The following ARB2A variants were observed in gnomAD, a reference collection of about 807,000 sequenced individuals.
ARB2A encodes the protein cotranscriptional regulator ARB2A.
chr5:93,844,224 G>A, the ARB2A span, among the ~76,000 whole-genome samples: 1 of 152,070 alleles, frequency 6.6e-6, no homozygotes. Context: ...CGAGTGGACT[G>A]CTTGAACTCA....
At chr5:94,068,333 G>A in the ARB2A span, among the ~76,000 whole-genome samples, 1 of 152,240 alleles carries the variant, frequency 6.6e-6, no homozygotes, top group Non-Finnish European at 1.5e-5. Context: ...GCTGGATCAG[G>A]AGCACAACGG....
the ARB2A span, among the ~76,000 whole-genome samples, chr5:94,075,626 T>A: frequency 1.3e-5 from 2 of 152,278 alleles, no homozygotes; most frequent in African/African-American, 4.8e-5. Context: ...CATGACAATA[T>A]AACAAGATTG....
chr5:93,830,518 T>C, the ARB2A span, among the ~76,000 whole-genome samples: 1 of 151,694 alleles, frequency 6.6e-6, no homozygotes, highest in African/African-American at 2.4e-5. Context: ...TCTGATCCTG[T>C]TGGACTGTCC....
At chr5:93,670,830 T>C in the ARB2A span, among the ~76,000 whole-genome samples, 1 of 152,354 alleles carries the variant, frequency 6.6e-6, no homozygotes, top group East Asian at 1.9e-4. Context: ...AATGCAATGG[T>C]GATTATACAC....
chr5:93,695,933 G>C, the ARB2A span, among the ~76,000 whole-genome samples: 1 of 151,868 alleles, frequency 6.6e-6, no homozygotes, highest in Non-Finnish European at 1.5e-5. Flanking sequence ...ACTAACACAA[G>C]AACAGAAAAC....
chr5:93,850,429 G>T, the ARB2A span, among the ~76,000 whole-genome samples: 176 of 152,254 alleles, frequency 1.2e-3, no homozygotes, highest in Non-Finnish European at 1.7e-3. Context: ...TATGTACAGG[G>T]TGGAAGATAA....
the ARB2A span, among the ~76,000 whole-genome samples, chr5:93,772,753 G>A: frequency 6.6e-6 from 1 of 152,150 alleles, no homozygotes; most frequent in African/African-American, 2.4e-5. Flanking sequence ...GGTCCTCCCT[G>A]GCTTTTGGCC....
the ARB2A span, among the ~76,000 whole-genome samples, chr5:93,699,263 A>C: frequency 2.0e-5 from 3 of 152,220 alleles, no homozygotes; most frequent in Admixed American, 2.0e-4. Context: ...TGCATGTGTG[A>C]TAATTTGTTA....
the ARB2A span, among the ~76,000 whole-genome samples, chr5:93,851,549 C>T: frequency 2.6e-5 from 4 of 152,116 alleles, no homozygotes; most frequent in Non-Finnish European, 5.9e-5. Context: ...GTGTGCTGCA[C>T]CCATTAACTC....
the ARB2A span, among the ~76,000 whole-genome samples, chr5:93,836,114 G>A: frequency 5.9e-5 from 9 of 152,134 alleles, no homozygotes; most frequent in East Asian, 7.7e-4. Flanking sequence ...TGCAAACTCC[G>A]CCTCCCAGGT....
At chr5:93,626,466 T>C in the ARB2A span, among the ~76,000 whole-genome samples, 1 of 152,230 alleles carries the variant, frequency 6.6e-6, no homozygotes, top group African/African-American at 2.4e-5. Context: ...TACATGGTCC[T>C]AGACCAAAAG....
At chr5:93,721,068 A>G in the ARB2A span, among the ~76,000 whole-genome samples, 1 of 152,226 alleles carries the variant, frequency 6.6e-6, no homozygotes, top group Non-Finnish European at 1.5e-5. Context: ...CTTTAATAGT[A>G]TAATCTTAAG....
At chr5:93,697,899 G>T in the ARB2A span, among the ~76,000 whole-genome samples, 1 of 152,084 alleles carries the variant, frequency 6.6e-6, no homozygotes, top group African/African-American at 2.4e-5. Context: ...CATATTTAAA[G>T]AAGCAGTTTG....
chr5:93,996,887 A>C, the ARB2A span, among the ~76,000 whole-genome samples: 1 of 152,062 alleles, frequency 6.6e-6, no homozygotes, highest in Non-Finnish European at 1.5e-5. Context: ...GCCATTGCTT[A>C]ATGTGAAGTG....
At chr5:93,964,720 T>C in the ARB2A span, among the ~76,000 whole-genome samples, 2 of 152,012 alleles carry the variant, frequency 1.3e-5, no homozygotes, top group Non-Finnish European at 2.9e-5. Context: ...CTATGAACCT[T>C]TGTATTAAGG....
At chr5:93,957,877 T>G in the ARB2A span, among the ~76,000 whole-genome samples, 6 of 151,958 alleles carry the variant, frequency 3.9e-5, no homozygotes, top group Admixed American at 1.3e-4. Context: ...AAAGCCTACA[T>G]GGACACATAT....
chr5:93,674,962 A>G, the ARB2A span, among the ~76,000 whole-genome samples: 1 of 152,188 alleles, frequency 6.6e-6, no homozygotes, highest in South Asian at 2.1e-4. Context: ...TTTATAATTT[A>G]TGTCTCTTGG....
chr5:93,626,197 G>T, the ARB2A span, among the ~76,000 whole-genome samples: 2 of 152,080 alleles, frequency 1.3e-5, no homozygotes, highest in South Asian at 4.1e-4. Context: ...GAAGACATGG[G>T]TTATTTACCT....
At chr5:93,995,591 C>A in the ARB2A span, among the ~76,000 whole-genome samples, 1 of 152,062 alleles carries the variant, frequency 6.6e-6, no homozygotes, top group African/African-American at 2.4e-5. Context: ...CAAGAGAAGG[C>A]TAATAGCTAA....
Sources: gnomAD v4.1 joint callset for allele counts (sites outside exome capture counted in the v4.1 genomes callset) on GRCh38, gnomAD v4.1.1 for gene constraint, MANE v1.5 for transcripts, NCBI Gene and HGNC (gene_info 2026-07-23, HGNC 2026-07-21) for gene names.